The following CTIF variants were observed in gnomAD, a reference collection of about 807,000 sequenced individuals.
The protein encoded by CTIF is cap binding complex dependent translation initiation factor, also known as CBP80/20-dependent translation initiation factor.
CTIF carries 21 observed loss-of-function variants against 66.0 expected under a neutral mutation model. That is an observed-to-expected ratio of 0.32 (90% CI 0.23 to 0.46). The LOEUF is 0.46. Among genes scored for constraint, CTIF ranks in the 20% least tolerant of loss-of-function variants. CTIF has a pLI of 1.00. For synonymous variants in CTIF, 345 were observed against 326.4 expected, an observed-to-expected ratio of 1.06 and a Z score of -0.62; for missense variants, 739 against 812.7, an observed-to-expected ratio of 0.91 and a Z score of 1.10.
chr18:48,594,639 C>T (rs892031308), intron 1 of CTIF, among the ~76,000 whole-genome samples: 1 of 152,186 alleles, frequency 6.6e-6, no homozygotes, highest in South Asian at 2.1e-4. Context: ...ACCAGGTGCA[C>T]GTTGTGACCT....
chr18:48,707,975 GT>G (rs2092179842), intron 6 of CTIF, among the ~76,000 whole-genome samples: 3 of 152,114 alleles, frequency 2.0e-5, no homozygotes, highest in Admixed American at 2.0e-4. Flanking sequence ...GCACTCCGTG[GT>G]CCTTTGTAAC....
At position 48,859,822 on chromosome 18, in the gene CTIF, TC is replaced by T; in HGVS notation, c.*267del. On this transcript the variant is annotated 3_prime_UTR_variant, in exon 12 of 12. Coordinates refer to ENST00000256413, the MANE Select transcript of CTIF (RefSeq NM_014772.3). ...TTCTTTTTCCTGGTGGCCCTGGCCC[TC>T]CCCTTCCTCACTCCCGCCTCTCCCC... 1.6e-6 allele frequency: 1 copy of T among 635,282 alleles called. No individual in the cohort carries two copies. The highest frequency in any genetic ancestry group is 1.5e-5 in the South Asian group (1 of 66,180). The allele number at this position is 635,282 out of a possible 1,614,324, so 39.4% of individuals were successfully genotyped here.
At chr18:48,838,437 T>G (rs957877989) in intron 10 of CTIF, among the ~76,000 whole-genome samples, 1 of 152,120 alleles carries the variant, frequency 6.6e-6, no homozygotes, top group African/African-American at 2.4e-5. Flanking sequence ...CTCACCTGGG[T>G]CCTTGCACAG....
chr18:48,817,487 C>G, intron 10 of CTIF, 111 bp downstream of exon 10: 1 of 1,344,596 alleles, frequency 7.4e-7, no homozygotes, highest in East Asian at 2.4e-5. Context: ...AGAAAGGGAC[C>G]CATCCGGGCC....
intron 1 of CTIF, among the ~76,000 whole-genome samples, chr18:48,547,506 G>A (rs2088779462): frequency 6.6e-6 from 1 of 152,232 alleles, no homozygotes; most frequent in Admixed American, 6.5e-5. Flanking sequence ...GACTGCAGCA[G>A]CGCTTGGTTC....
rs770632692 is a variant in CTIF at position 48,711,648 on chromosome 18, G to A, written c.537G>A (p.Glu179=). 8.7e-6 allele frequency: 14 copies of A among 1,614,020 alleles called. No individual in the cohort carries two copies. In the African/African-American group the frequency reaches 1.1e-4, roughly 12 times the overall value. ...ACCACCCGATGCCCCATGAAGTGGA[G>A]ATCGCACACACCAAGAAGCTGTTCC... The part of the protein sequence containing the change: ...QGYHPMPHEV[E]IAHTKKLFRR... Residue 179 remains glutamate (E), a synonymous_variant, in exon 7 of 12, where the codon GAG becomes GAA. Transcript: ENST00000256413.
At chr18:48,784,212 G>A (rs1009050905) in intron 9 of CTIF, among the ~76,000 whole-genome samples, 4 of 152,202 alleles carry the variant, frequency 2.6e-5, no homozygotes, top group African/African-American at 9.6e-5. Context: ...CCCGAGCATC[G>A]AGAGGAGAGA....
At chr18:48,757,386 A>T (rs529248116) in intron 7 of CTIF, among the ~76,000 whole-genome samples, 1 of 151,938 alleles carries the variant, frequency 6.6e-6, no homozygotes, top group East Asian at 1.9e-4. Context: ...GAAAATGACA[A>T]TGTTCCAAAA....
At chr18:48,579,519 G>C (rs1317528706) in intron 1 of CTIF, among the ~76,000 whole-genome samples, 1 of 152,122 alleles carries the variant, frequency 6.6e-6, no homozygotes, top group Non-Finnish European at 1.5e-5. Flanking sequence ...CCATTGAATT[G>C]CCTTTTGTTT....
chr18:48,737,999 A>AGG (rs2092518893), intron 7 of CTIF, among the ~76,000 whole-genome samples: 1 of 152,222 alleles, frequency 6.6e-6, no homozygotes, highest in African/African-American at 2.4e-5. Flanking sequence ...TGGGGTGTCT[A>AGG]ATACACTTCT....
rs2089491080 is a variant in CTIF, at chr18:48,574,699, G to A, written c.-29+35387G>A. Among the ~76,000 whole-genome samples the A allele has an allele frequency of 2.6e-5, 4 of 152,312 alleles. No homozygotes were observed. The South Asian group carries it at 8.3e-4, about 32-fold the overall frequency. On this transcript the variant is annotated intron_variant, in intron 1 of 11. Transcript: ENST00000256413. Reference sequence around the variant, plus strand: ...AGCTGCTAGACCCGGAGTCACTTGCGCTACGTTTCTGAGCATCCAGCCACA... The same window carrying A: ...AGCTGCTAGACCCGGAGTCACTTGCACTACGTTTCTGAGCATCCAGCCACA...
At chr18:48,567,982 G>A (rs1421445549) in intron 1 of CTIF, 2 of 152,098 alleles carry the variant, frequency 1.3e-5, no homozygotes, top group Non-Finnish European at 2.9e-5. Context: ...GCTCCTGCCT[G>A]GCAAGTCACA....
intron 6 of CTIF, among the ~76,000 whole-genome samples, chr18:48,709,617 C>T (rs2145468614): frequency 6.6e-6 from 1 of 152,338 alleles, no homozygotes; most frequent in South Asian, 2.1e-4. Flanking sequence ...CCTTGGGGCA[C>T]ACCCGGTGTG....
rs1402412345 is a variant in CTIF, at chr18:48,672,549, C to G, written c.507+1805C>G. Reference sequence around the variant, plus strand: ...CACCTCTAGCCTGAGGACCTCCAGCCCTCCTATGGGAGTCTTGAGCCTGTA... The same window carrying G: ...CACCTCTAGCCTGAGGACCTCCAGCGCTCCTATGGGAGTCTTGAGCCTGTA... On this transcript the variant is annotated intron_variant, in intron 6 of 11. Transcript: ENST00000256413. Among the ~76,000 whole-genome samples, 6 of 152,258 alleles carry G rather than the reference C, an allele frequency of 3.9e-5. No individual in the cohort carries two copies. The East Asian group carries it at 1.2e-3, about 29-fold the overall frequency.
chr18:48,632,327 A>C (rs952241902), intron 2 of CTIF, among the ~76,000 whole-genome samples: 1 of 152,154 alleles, frequency 6.6e-6, no homozygotes, highest in African/African-American at 2.4e-5. Flanking sequence ...TTACACAGTC[A>C]CACGCAGGGC....
At chr18:48,634,203 A>G (rs898108136) in intron 2 of CTIF, among the ~76,000 whole-genome samples, 3 of 152,144 alleles carry the variant, frequency 2.0e-5, no homozygotes, top group Non-Finnish European at 4.4e-5. Context: ...GCATTTTGTC[A>G]AGAATACCCC....
intron 9 of CTIF, among the ~76,000 whole-genome samples, chr18:48,807,089 C>A (rs2068162406): frequency 6.6e-6 from 1 of 152,132 alleles, no homozygotes; most frequent in Non-Finnish European, 1.5e-5. Context: ...TTTCGGTTGG[C>A]AGAAAGGACT....
intron 1 of CTIF, chr18:48,567,076 G>A (rs950706924): frequency 6.6e-6 from 1 of 152,188 alleles, no homozygotes; most frequent in Admixed American, 6.5e-5. Flanking sequence ...TAGGAGTTGG[G>A]GATATAGCAG....
chr18:48,765,434 C>T (rs1284900530), intron 9 of CTIF, among the ~76,000 whole-genome samples: 1 of 152,156 alleles, frequency 6.6e-6, no homozygotes, highest in Non-Finnish European at 1.5e-5. Flanking sequence ...TACAAAGGGG[C>T]CAGGGTGTGA....
Sources: gnomAD v4.1 joint callset for allele counts (sites outside exome capture counted in the v4.1 genomes callset) on GRCh38, gnomAD v4.1.1 for gene constraint, MANE v1.5 for transcripts, NCBI Gene and HGNC (gene_info 2026-07-23, HGNC 2026-07-21) for gene names.